Variants in BECN1 observed in about 807,000 individuals in gnomAD.
The protein encoded by BECN1 is beclin-1.
Under a neutral mutation model 60.1 loss-of-function variants are expected in BECN1, and 15 were observed. The observed-to-expected ratio is 0.25, with a 90% confidence interval of 0.17 to 0.38. The LOEUF (loss-of-function observed/expected upper bound fraction) is 0.38, where lower values mean the gene tolerates loss of function less well. Ranked by LOEUF, BECN1 falls within the 10% of genes least tolerant of loss-of-function variation. BECN1 has a pLI of 1.00. For missense variants in BECN1, 424 were observed against 548.2 expected, an observed-to-expected ratio of 0.77 and a Z score of 2.26; for synonymous variants, 179 against 201.8, an observed-to-expected ratio of 0.89 and a Z score of 0.96.
intron 4 of BECN1, 79 bp from the exon 5 acceptor site, chr17:42,818,956 G>C (rs1199515593): frequency 2.0e-6 from 3 of 1,516,150 alleles, no homozygotes; most frequent in Non-Finnish European, 2.7e-6. Flanking sequence ...CAGTGGCAGA[G>C]ACTCTCAAGC....
intron 10 of BECN1, chr17:42,812,546 T>C (rs958721407): frequency 6.6e-6 from 1 of 151,408 alleles, no homozygotes; most frequent in Non-Finnish European, 1.5e-5. Context: ...ACCCCGTCAC[T>C]ACCAAAAATA....
intron 9 of BECN1, 186 bp downstream of exon 9, chr17:42,814,338 G>T: frequency 1.4e-6 from 1 of 721,900 alleles, no homozygotes; most frequent in Non-Finnish European, 2.2e-6. Flanking sequence ...GCAACTCAGT[G>T]ACTGTGTGAT....
chr17:42,814,352 T>C lies in BECN1; in HGVS notation c.980+172A>G, dbSNP rs546750459. On this transcript the variant is annotated intron_variant, in intron 9 of 11. Coordinates refer to ENST00000590099, the MANE Select transcript of BECN1 (RefSeq NM_001313998.2). ...CGCAACTCAGTGACTGTGTGATCAG[T>C]GGAGAGAGCCCTGTGATGAGGGGAA... 2.3e-4 allele frequency: 184 copies of C among 811,852 alleles called. 2 individuals are homozygous for C. In the South Asian group the frequency reaches 3.2e-3, roughly 14 times the overall value. 50.3% of individuals were successfully genotyped at this position (811,852 alleles called of 1,614,324 possible).
chr17:42,811,939 T>C (rs1258220992), intron 10 of BECN1, 142 bp from the exon 11 acceptor site: 4 of 1,004,214 alleles, frequency 4.0e-6, no homozygotes, highest in East Asian at 2.6e-5. Context: ...CTATCTTCCA[T>C]AGATTTGAAC....
intron 2 of BECN1, among the ~76,000 whole-genome samples, chr17:42,821,135 C>T (rs1280342415): frequency 6.6e-6 from 1 of 152,202 alleles, no homozygotes; most frequent in African/African-American, 2.4e-5. Flanking sequence ...TCTCGGCTCA[C>T]TGCAATCTCT....
In BECN1 at chr17:42,813,894, C is replaced by G; in HGVS notation, c.1041+54G>C. ...AATATCAAAGCAAACCATCCATTTT[C>G]TTAAGAGATATAAGAACTCTGTATT... On this transcript the variant is annotated intron_variant, in intron 10 of 11. Transcript: ENST00000590099. 3 of 1,318,370 alleles carry G rather than the reference C, an allele frequency of 2.3e-6. No individual in the cohort carries two copies. The South Asian group carries it at 4.0e-5, about 17-fold the overall frequency. 81.7% of individuals were successfully genotyped at this position (1,318,370 alleles called of 1,614,324 possible).
At chr17:42,818,077 T>C (rs2055181465) in intron 7 of BECN1, 144 bp downstream of exon 7, 2 of 818,120 alleles carry the variant, frequency 2.4e-6, no homozygotes, top group Non-Finnish European at 3.8e-6. Context: ...AAAAAGGGCA[T>C]GGAAGCAATA....
At chr17:42,814,857 C>T (rs2055112343) in intron 8 of BECN1, 184 bp from the exon 9 acceptor site, 12 of 735,588 alleles carry the variant, frequency 1.6e-5, no homozygotes, top group Admixed American at 5.9e-5. Flanking sequence ...GCTCAGATGC[C>T]AAAGCAGAAA....
rs1165575809 is a variant in BECN1, at chr17:42,813,977, A to G, written c.1012T>C (p.Tyr338His). ...YRLVPYGNHS[Y>H]LESLTDKSKE... The stretch of plus-strand genomic sequence containing the variant: ...GATTTGTCTGTCAGAGACTCCAGAT[A>G]TGAATGGTTTCCGTAAGGAACAAGT... Residue 338 changes from tyrosine to histidine, a missense_variant, in exon 10 of 12, where the codon TAT becomes CAT. Physicochemically the swap from Tyr to His is moderately conservative, Grantham distance 83. Coordinates refer to ENST00000590099, the MANE Select transcript of BECN1 (RefSeq NM_001313998.2). The G allele has an allele frequency of 6.2e-7, 1 of 1,606,748 alleles. No individual in the cohort carries two copies. Among genetic ancestry groups the G allele is most frequent in the Non-Finnish European group, 8.5e-7 (1 of 1,174,736 alleles).
In BECN1 at chr17:42,814,365, G is replaced by C. The variant is rs1026835355; in HGVS notation, c.980+159C>G. On this transcript the variant is annotated intron_variant, in intron 9 of 11. Coordinates refer to ENST00000590099, the MANE Select transcript of BECN1 (RefSeq NM_001313998.2). ...CTGTGTGATCAGTGGAGAGAGCCCT[G>C]TGATGAGGGGAAAATCAGATGCTGA... is the stretch of plus-strand genomic sequence containing the variant. 7.4e-6 allele frequency: 7 copies of C among 948,714 alleles called. No individual in the cohort carries two copies. In the African/African-American group the frequency reaches 8.2e-5, roughly 11 times the overall value. The allele number at this position is 948,714 out of a possible 1,614,324, so 58.8% of individuals were successfully genotyped here.
intron 7 of BECN1, 41 bp downstream of exon 7, chr17:42,818,180 G>A: frequency 6.3e-7 from 1 of 1,594,766 alleles, no homozygotes; most frequent in Non-Finnish European, 8.6e-7. Flanking sequence ...TCCTCTCCTG[G>A]AGCCTCGAGT....
intron 11 of BECN1, 130 bp downstream of exon 11, chr17:42,811,525 A>G (rs1240599251): frequency 3.3e-6 from 4 of 1,205,970 alleles, no homozygotes; most frequent in South Asian, 1.5e-5. Context: ...CTGCCCATCA[A>G]TGTCATGTGA....
chr17:42,822,548 T>G (rs991494998), intron 2 of BECN1, among the ~76,000 whole-genome samples: 1 of 152,090 alleles, frequency 6.6e-6, no homozygotes, highest in African/African-American at 2.4e-5. Context: ...TCTTCTGACT[T>G]TGCGGGATTT....
At chr17:42,814,825 A>G in intron 8 of BECN1, 152 bp from the exon 9 acceptor site, 2 of 970,322 alleles carry the variant, frequency 2.1e-6, no homozygotes, top group Non-Finnish European at 3.0e-6. Context: ...CCAAAACTTG[A>G]GTCATCATCT....
chr17:42,818,206 A>G lies in BECN1; in HGVS notation c.683+15T>C, dbSNP rs114569927. 7,795 of 1,612,126 alleles carry G rather than the reference A, an allele frequency of 4.8e-3. 351 individuals carry two copies. The African/African-American group carries it at 0.09, about 19-fold the overall frequency. ...AGCCTCGAGTGTGAGAAGATAGAAC[A>G]GGGTGAGCACTCACTGAGCTTCCTC... On this transcript the variant is annotated intron_variant, in intron 7 of 11. Coordinates refer to ENST00000590099, the MANE Select transcript of BECN1 (RefSeq NM_001313998.2).
At chr17:42,822,951 G>A (rs2055300195) in intron 2 of BECN1, among the ~76,000 whole-genome samples, 1 of 151,926 alleles carries the variant, frequency 6.6e-6, no homozygotes, top group Non-Finnish European at 1.5e-5. Context: ...AAAGCACTGA[G>A]ATTACAGGCG....
intron 7 of BECN1, among the ~76,000 whole-genome samples, chr17:42,816,660 A>G (rs1187925863): frequency 6.6e-6 from 1 of 151,124 alleles, no homozygotes; most frequent in Non-Finnish European, 1.5e-5. Flanking sequence ...AAAAAAAAAA[A>G]AAAAAAAGAG....
chr17:42,815,576 GCA>G (rs962434547), intron 8 of BECN1: 1 of 334,492 alleles, frequency 3.0e-6, no homozygotes, highest in Non-Finnish European at 5.5e-6. Flanking sequence ...CTAGCACTCA[GCA>G]CAGTGCCTTT....
In BECN1 at chr17:42,818,188, A is replaced by C. The variant is rs375793152; in HGVS notation, c.683+33T>G. Reference sequence around the variant, plus strand: ...AGCCATTTCCTCTCCTGGAGCCTCGAGTGTGAGAAGATAGAACAGGGTGAG... The same window carrying C: ...AGCCATTTCCTCTCCTGGAGCCTCGCGTGTGAGAAGATAGAACAGGGTGAG... On this transcript the variant is annotated intron_variant, in intron 7 of 11. Coordinates refer to ENST00000590099, the MANE Select transcript of BECN1 (RefSeq NM_001313998.2). 102 of 1,604,854 alleles carry C rather than the reference A, an allele frequency of 6.4e-5. No individual in the cohort carries two copies. In the African/African-American group the frequency reaches 1.1e-3, roughly 17 times the overall value.
Sources: gnomAD v4.1 joint callset for allele counts (sites outside exome capture counted in the v4.1 genomes callset) on GRCh38, gnomAD v4.1.1 for gene constraint, MANE v1.5 for transcripts, NCBI Gene and HGNC (gene_info 2026-07-23, HGNC 2026-07-21) for gene names.